The following FGF12 variants were observed in gnomAD, a reference collection of about 807,000 sequenced individuals.
FGF12 encodes the protein fibroblast growth factor 12B.
A neutral mutation model predicts 23.6 loss-of-function variants in FGF12; 14 were observed. That is an observed-to-expected ratio of 0.59 (90% CI 0.39 to 0.93). The LOEUF (loss-of-function observed/expected upper bound fraction) is 0.93, where lower values mean the gene tolerates loss of function less well. Among genes scored for constraint, FGF12 ranks in the 40% least tolerant of loss-of-function variants. The pLI, the probability that FGF12 is intolerant of heterozygous loss-of-function variation, is 0.00. For synonymous variants in FGF12, 62 were observed against 77.3 expected (o/e 0.80, Z 1.04); for missense variants, 175 against 217.8 (o/e 0.80, Z 1.24).
chr3:192,243,514 A>G (rs575120366), intron 4 of FGF12, among the ~76,000 whole-genome samples: 4 of 144,000 alleles, frequency 2.8e-5, no homozygotes, highest in African/African-American at 1.1e-4. Context: ...ATTGTGGTAA[A>G]ACATTAGGGC....
chr3:192,163,472 T>C (rs952766839), intron 5 of FGF12, among the ~76,000 whole-genome samples: 49 of 152,178 alleles, frequency 3.2e-4, no homozygotes, highest in Admixed American at 3.2e-3. Flanking sequence ...CAGTCCAATA[T>C]ATTGATCACA....
chr3:192,712,538 C>T (rs1262015112), intron 2 of FGF12, among the ~76,000 whole-genome samples: 1 of 151,572 alleles, frequency 6.6e-6, no homozygotes, highest in Non-Finnish European at 1.5e-5. Context: ...AATAAGAAAT[C>T]AGAATGTTAG....
chr3:192,223,430 A>G (rs991883347), intron 4 of FGF12, among the ~76,000 whole-genome samples: 3 of 152,208 alleles, frequency 2.0e-5, no homozygotes, highest in African/African-American at 7.2e-5. Context: ...AGATATAATA[A>G]TGAATAAAGG....
At chr3:192,595,565 C>T (rs1165689432) in intron 2 of FGF12, among the ~76,000 whole-genome samples, 2 of 152,312 alleles carry the variant, frequency 1.3e-5, no homozygotes, top group Middle Eastern at 3.4e-3. Context: ...ACACAGATTG[C>T]TGGGCTACAC....
intron 2 of FGF12, among the ~76,000 whole-genome samples, chr3:192,464,005 T>C (rs1386944004): frequency 6.6e-6 from 1 of 152,138 alleles, no homozygotes; most frequent in African/African-American, 2.4e-5. Context: ...AGATCAGTGG[T>C]TCTACTCTTG....
Position 192,175,271 on chromosome 3 carries a change from TATA to T in FGF12, c.229-4618_229-4616del, listed in dbSNP as rs552814019. ...AATAGAAAGCAGAGTAAATAATCAG[TATA>T]ATAAGGATGATTTTGTTTCTTTCGT... On this transcript the variant is annotated intron_variant, in intron 4 of 5. Transcript: ENST00000445105. 1.3e-3 allele frequency among the ~76,000 whole-genome samples: 199 copies of T among 152,132 alleles called. 1 individual carries two copies. Among genetic ancestry groups the T allele is most frequent in the Middle Eastern group, 3.4e-3 (1 of 294 alleles).
chr3:192,581,736 G>A (rs1052889268), intron 2 of FGF12, among the ~76,000 whole-genome samples: 8 of 151,844 alleles, frequency 5.3e-5, no homozygotes, highest in African/African-American at 1.9e-4. Flanking sequence ...AACCCAAATG[G>A]CATGATGGCT....
Position 192,423,816 on chromosome 3 carries a change from G to A in FGF12, c.14-63278C>T, listed in dbSNP as rs112244777. On this transcript the variant is annotated intron_variant, in intron 2 of 5. Coordinates refer to ENST00000445105, the MANE Select transcript of FGF12 (RefSeq NM_004113.6). ...AAAAAAGTTCTAACAAAAGCTAGTA[G>A]GTACAAAATGACACAGTTTATAGAA... Among the ~76,000 whole-genome samples, 1,102 of 152,164 alleles carry A rather than the reference G, an allele frequency of 7.2e-3. 17 individuals are homozygous for A. Among genetic ancestry groups the A allele is most frequent in the African/African-American group, 0.025 (1,036 of 41,512 alleles).
chr3:192,547,957 A>T (rs1004792579), intron 2 of FGF12, among the ~76,000 whole-genome samples: 2 of 152,186 alleles, frequency 1.3e-5, no homozygotes, highest in Admixed American at 1.3e-4. Flanking sequence ...GCCTCTGTAC[A>T]TTCAGAATGT....
chr3:192,546,091 A>G (rs1725487595), intron 2 of FGF12, among the ~76,000 whole-genome samples: 1 of 152,212 alleles, frequency 6.6e-6, no homozygotes, highest in South Asian at 2.1e-4. Flanking sequence ...GTGTGGTGGA[A>G]AAGAACATAA....
intron 4 of FGF12, among the ~76,000 whole-genome samples, chr3:192,224,745 C>G (rs899397050): frequency 1.3e-5 from 2 of 152,050 alleles, no homozygotes; most frequent in Non-Finnish European, 2.9e-5. Flanking sequence ...TGTGAAGTGT[C>G]TGGCATGATG....
At chr3:192,417,781 AACCCTAAGGTAAACCC>A (rs1434041779) in intron 2 of FGF12, among the ~76,000 whole-genome samples, 7 of 152,012 alleles carry the variant, frequency 4.6e-5, no homozygotes, top group Non-Finnish European at 8.8e-5. Flanking sequence ...ACCCTGATAA[AACCCTAAGGTAAACCC>A]ACACCACTCT....
intron 2 of FGF12, among the ~76,000 whole-genome samples, chr3:192,531,156 A>C (rs1163057052): frequency 2.0e-5 from 3 of 152,218 alleles, no homozygotes; most frequent in Non-Finnish European, 4.4e-5. Context: ...ATTGGACAGC[A>C]AGATAGTTTA....
intron 2 of FGF12, among the ~76,000 whole-genome samples, chr3:192,498,564 T>C (rs1324838933): frequency 6.6e-6 from 1 of 152,118 alleles, no homozygotes; most frequent in African/African-American, 2.4e-5. Flanking sequence ...AGTCTGGATA[T>C]TGGAGTCCAT....
In FGF12 at chr3:192,543,003, CCTGA is replaced by C. The variant is rs150459205; in HGVS notation, c.14-182469_14-182466del. 4.6e-3 allele frequency among the ~76,000 whole-genome samples: 694 copies of C among 152,188 alleles called. 4 individuals carry two copies. The highest frequency in any genetic ancestry group is 6.7e-3 in the Non-Finnish European group (458 of 68,004). On this transcript the variant is annotated intron_variant, in intron 2 of 5. Transcript: ENST00000445105. ...CACCCAAGGGCTGTGGTTACCACTG[CCTGA>C]CTATCACCTATGCTCACCCAAATCC...
In FGF12 at chr3:192,142,275, A is replaced by G. The variant is rs1713439011; in HGVS notation, c.*1734T>C. ...TATGGTCCACTATTGAAGAATAATG[A>G]TTGTGTAAAGTGAGGGAAACTATAT... On this transcript the variant is annotated 3_prime_UTR_variant, in exon 6 of 6. Coordinates refer to ENST00000445105, the MANE Select transcript of FGF12 (RefSeq NM_004113.6). The G allele has an allele frequency of 6.6e-6, 1 of 152,506 alleles. No homozygotes were observed. The highest frequency in any genetic ancestry group is 2.4e-5 in the African/African-American group (1 of 41,440). 9.4% of individuals were successfully genotyped at this position (152,506 alleles called of 1,614,324 possible).
At chr3:192,717,665 T>A (rs1577139243) in intron 2 of FGF12, among the ~76,000 whole-genome samples, 2 of 152,340 alleles carry the variant, frequency 1.3e-5, no homozygotes, top group South Asian at 4.1e-4. Flanking sequence ...ACTCCACTTA[T>A]AATTCAATCG....
intron 2 of FGF12, among the ~76,000 whole-genome samples, chr3:192,689,797 C>A (rs1717884597): frequency 6.6e-6 from 1 of 151,636 alleles, no homozygotes; most frequent in Non-Finnish European, 1.5e-5. Context: ...AATGAACATG[C>A]AGGTACATGA....
At chr3:192,266,967 GAAAT>G (rs1260694973) in intron 4 of FGF12, 2 of 152,236 alleles carry the variant, frequency 1.3e-5, no homozygotes, top group East Asian at 3.9e-4. Flanking sequence ...TTATAGGAGA[GAAAT>G]AAATCTCTTC....
Sources: gnomAD v4.1 joint callset for allele counts (sites outside exome capture counted in the v4.1 genomes callset) on GRCh38, gnomAD v4.1.1 for gene constraint, MANE v1.5 for transcripts, NCBI Gene and HGNC (gene_info 2026-07-23, HGNC 2026-07-21) for gene names.